The following ARHGEF9 variants were observed in gnomAD, a reference collection of about 807,000 sequenced individuals.
ARHGEF9 encodes the protein Cdc42 guanine nucleotide exchange factor 9.
A neutral mutation model predicts 41.3 loss-of-function variants in ARHGEF9; 2 were observed. That is an observed-to-expected ratio of 0.05 (90% CI 0.02 to 0.15). The LOEUF (loss-of-function observed/expected upper bound fraction) is 0.15, where lower values mean the gene tolerates loss of function less well. Ranked by LOEUF, ARHGEF9 falls within the 10% of genes least tolerant of loss-of-function variation. The pLI is 1.00. For synonymous variants in ARHGEF9, 160 were observed against 154.4 expected (o/e 1.04, Z -0.27); for missense variants, 225 against 424.7 (o/e 0.53, Z 4.13).
At chrX:63,662,144 C>T (rs1165842473) in intron 7 of ARHGEF9, among the ~76,000 whole-genome samples, 1 of 111,734 alleles carries the variant, frequency 8.9e-6, no homozygotes, top group Non-Finnish European at 1.9e-5. Context: ...TCCATTTAAT[C>T]TTCATGACAA....
At chrX:63,645,127 T>C (rs1308926766) in intron 8 of ARHGEF9, among the ~76,000 whole-genome samples, 2 of 110,610 alleles carry the variant, frequency 1.8e-5, no homozygotes, top group African/African-American at 6.6e-5. Flanking sequence ...ACTGAAGTTA[T>C]AAAATATCTA....
At chrX:63,776,810 T>G (rs1443933091) in intron 1 of ARHGEF9, among the ~76,000 whole-genome samples, 1 of 112,016 alleles carries the variant, frequency 8.9e-6, no homozygotes, top group Non-Finnish European at 1.9e-5. Context: ...TTTCCCAAGC[T>G]GTACGGCACT....
chrX:63,655,871 G>A, intron 7 of ARHGEF9, 134 bp from the exon 8 acceptor site: 6 of 842,137 alleles, frequency 7.1e-6, no homozygotes, highest in Non-Finnish European at 8.5e-6. Context: ...TTCTAAATTT[G>A]GCCAGGTTAT....
chrX:63,696,751 G>A (rs186701260), intron 4 of ARHGEF9, among the ~76,000 whole-genome samples: 94 of 111,696 alleles, frequency 8.4e-4, no homozygotes, highest in Non-Finnish European at 1.7e-3. Context: ...GAAGGAAAGG[G>A]AGAGGGGAGG....
intron 9 of ARHGEF9, chrX:63,641,701 G>T (rs1302920227): frequency 8.9e-6 from 1 of 112,041 alleles, no homozygotes; most frequent in East Asian, 2.8e-4. Context: ...CAGTATGGTG[G>T]ATGTGATGGT....
At chrX:63,762,647 T>TA (rs2056053456) in intron 1 of ARHGEF9, among the ~76,000 whole-genome samples, 1 of 111,778 alleles carries the variant, frequency 8.9e-6, no homozygotes, top group Non-Finnish European at 1.9e-5. Context: ...ATTTTGAAGA[T>TA]ATGCAATGTG....
At chrX:63,690,334 G>A (rs1404926833) in intron 4 of ARHGEF9, among the ~76,000 whole-genome samples, 1 of 111,169 alleles carries the variant, frequency 9.0e-6, no homozygotes, top group East Asian at 2.8e-4. Flanking sequence ...AAATACAAAG[G>A]ATCATTACAG....
At chrX:63,666,130 C>T (rs1485012337) in intron 6 of ARHGEF9, 113 bp from the exon 7 acceptor site, 7 of 1,017,006 alleles carry the variant, frequency 6.9e-6, no homozygotes, top group African/African-American at 1.9e-5. Flanking sequence ...CCAGAAAGGG[C>T]CTGGTAGAGA....
intron 1 of ARHGEF9, among the ~76,000 whole-genome samples, chrX:63,763,085 G>A (rs1408886699): frequency 2.7e-5 from 3 of 111,699 alleles, no homozygotes; most frequent in Admixed American, 9.5e-5. Flanking sequence ...TAGGCTATTA[G>A]TAGTTAAGTT....
At chrX:63,668,905 C>A (rs1452480893) in intron 6 of ARHGEF9, among the ~76,000 whole-genome samples, 1 of 112,042 alleles carries the variant, frequency 8.9e-6, no homozygotes, top group African/African-American at 3.2e-5. Context: ...ATGGCCCCCA[C>A]CCAATCTCCT....
intron 1 of ARHGEF9, among the ~76,000 whole-genome samples, chrX:63,783,965 A>G (rs185665192): frequency 8.0e-5 from 9 of 111,956 alleles, no homozygotes; most frequent in African/African-American, 2.9e-4. Flanking sequence ...GAGATCTAAC[A>G]AAACTCTGAG....
intron 1 of ARHGEF9, among the ~76,000 whole-genome samples, chrX:63,775,752 A>G (rs1188422365): frequency 1.8e-5 from 2 of 111,534 alleles, no homozygotes; most frequent in African/African-American, 6.5e-5. Context: ...TGAAGAAATA[A>G]TCTATACATC....
At chrX:63,662,498 G>A (rs1443275005) in intron 7 of ARHGEF9, among the ~76,000 whole-genome samples, 3 of 111,731 alleles carry the variant, frequency 2.7e-5, no homozygotes, top group Non-Finnish European at 3.8e-5. Flanking sequence ...CTTTCTAAAT[G>A]TTCACAGGCT....
chrX:63,727,830 T>C (rs1556418020), intron 1 of ARHGEF9, among the ~76,000 whole-genome samples: 1 of 112,242 alleles, frequency 8.9e-6, no homozygotes. Context: ...ATCTTACAGA[T>C]GAGGTAGCTG....
intron 5 of ARHGEF9, among the ~76,000 whole-genome samples, chrX:63,676,256 C>T: frequency 8.9e-6 from 1 of 112,481 alleles, no homozygotes; most frequent in African/African-American, 3.2e-5. Flanking sequence ...CCTAACCAGT[C>T]TATTCTGTCT....
chrX:63,645,320 T>A (rs2047957320), intron 8 of ARHGEF9, among the ~76,000 whole-genome samples: 2 of 110,397 alleles, frequency 1.8e-5, no homozygotes, highest in African/African-American at 6.6e-5. Context: ...GTTGGTGTGC[T>A]GCACCCATTA....
intron 6 of ARHGEF9, among the ~76,000 whole-genome samples, chrX:63,666,326 CCTCT>C (rs368308422): frequency 2.4e-3 from 227 of 95,129 alleles, no homozygotes; most frequent in East Asian, 5.0e-3. Flanking sequence ...TCTGTGTCTG[CCTCT>C]CTCTCTCTCT....
At chrX:63,741,022 C>T (rs1387501835) in intron 1 of ARHGEF9, among the ~76,000 whole-genome samples, 1 of 112,581 alleles carries the variant, frequency 8.9e-6, no homozygotes, top group East Asian at 2.8e-4. Context: ...TCCCCTCACA[C>T]CCTAACACCC....
intron 1 of ARHGEF9, 87 bp from the exon 2 acceptor site, chrX:63,724,798 A>G: frequency 1.1e-6 from 1 of 925,582 alleles, no homozygotes. Flanking sequence ...CTACTTACAG[A>G]GAAACTCATA....
Sources: allele counts gnomAD v4.1 joint callset (sites outside exome capture counted in the v4.1 genomes callset), GRCh38; gene constraint gnomAD v4.1.1; transcripts MANE v1.5; gene names NCBI Gene and HGNC (gene_info 2026-07-23, HGNC 2026-07-21).